The following KIFAP3 variants were observed in gnomAD, a reference collection of about 807,000 sequenced individuals.
KIFAP3 encodes the protein kinesin associated protein 3.
A neutral mutation model predicts 106.5 loss-of-function variants in KIFAP3; 68 were observed. That is an observed-to-expected ratio of 0.64 (90% CI 0.53 to 0.78). KIFAP3 has a LOEUF of 0.78. KIFAP3 is among the 30% of genes least tolerant of loss of function. KIFAP3 has a pLI of 0.00. For missense variants in KIFAP3, 780 were observed against 941.8 expected (o/e 0.83, Z 2.25); for synonymous variants, 320 against 311.5 (o/e 1.03, Z -0.29).
intron 11 of KIFAP3, chr1:169,990,057 A>C (rs550899100): frequency 1.0e-4 from 153 of 1,524,872 alleles, no homozygotes; most frequent in Middle Eastern, 8.0e-4. Flanking sequence ...ATAGTGACTC[A>C]GGTTTTGTTT....
chr1:170,064,154 T>C (rs558577044), intron 1 of KIFAP3, among the ~76,000 whole-genome samples: 4 of 152,322 alleles, frequency 2.6e-5, no homozygotes, highest in Non-Finnish European at 5.9e-5. Flanking sequence ...TTGAACATTA[T>C]TTTAGGTTTT....
At chr1:169,973,124 A>ATATATATATAG (rs1361338751) in intron 16 of KIFAP3, among the ~76,000 whole-genome samples, 8 of 48,720 alleles carry the variant, frequency 1.6e-4, no homozygotes, top group African/African-American at 5.8e-4. Context: ...TATATATATA[A>ATATATATATAG]ACAACACAAA....
In KIFAP3 at chr1:170,032,938, A is replaced by C. The variant is rs545683436; in HGVS notation, c.743-954T>G. On this transcript the variant is annotated intron_variant, in intron 7 of 19. Coordinates refer to ENST00000361580, the MANE Select transcript of KIFAP3 (RefSeq NM_014970.4). Reference sequence around the variant, plus strand: ...TGATACAGAAATACAATATGTCCTAAGATATCAGTTCTTGTCACCAAACAA... The same window carrying C: ...TGATACAGAAATACAATATGTCCTACGATATCAGTTCTTGTCACCAAACAA... 6.6e-5 allele frequency among the ~76,000 whole-genome samples: 10 copies of C among 151,866 alleles called. No individual in the cohort carries two copies. The South Asian group carries it at 1.0e-3, about 16-fold the overall frequency.
chr1:169,944,533 T>A (rs1664320383), intron 19 of KIFAP3, among the ~76,000 whole-genome samples: 1 of 152,144 alleles, frequency 6.6e-6, no homozygotes, highest in African/African-American at 2.4e-5. Flanking sequence ...GCGACGTGTT[T>A]CAGCCCCGTT....
intron 7 of KIFAP3, among the ~76,000 whole-genome samples, chr1:170,034,105 C>T (rs766587626): frequency 6.6e-6 from 1 of 151,724 alleles, no homozygotes; most frequent in South Asian, 2.1e-4. Flanking sequence ...TAGAGGCTCA[C>T]CTACTAAGTT....
At chr1:170,063,814 T>C (rs1671301169) in intron 1 of KIFAP3, among the ~76,000 whole-genome samples, 2 of 152,222 alleles carry the variant, frequency 1.3e-5, no homozygotes, top group Non-Finnish European at 2.9e-5. Context: ...AAATTTAAAA[T>C]TGTGTTTCAA....
At chr1:169,931,066 C>G (rs1343098309) in intron 19 of KIFAP3, among the ~76,000 whole-genome samples, 1 of 151,548 alleles carries the variant, frequency 6.6e-6, no homozygotes, top group Non-Finnish European at 1.5e-5. Flanking sequence ...ATTACAGGCC[C>G]GTGCCACAAT....
intron 9 of KIFAP3, among the ~76,000 whole-genome samples, chr1:170,018,202 A>AT (rs890955188): frequency 1.7e-4 from 26 of 152,160 alleles, no homozygotes; most frequent in Admixed American, 5.2e-4. Context: ...AGCCATGCTC[A>AT]TTTTTTTTAC....
At chr1:169,982,417 G>C (rs866597703) in intron 14 of KIFAP3, among the ~76,000 whole-genome samples, 1 of 152,014 alleles carries the variant, frequency 6.6e-6, no homozygotes, top group East Asian at 1.9e-4. Context: ...TATGCAGAGG[G>C]ATGGTATTTG....
At chr1:170,000,396 T>A (rs1667602536) in intron 10 of KIFAP3, among the ~76,000 whole-genome samples, 1 of 152,104 alleles carries the variant, frequency 6.6e-6, no homozygotes, top group Non-Finnish European at 1.5e-5. Flanking sequence ...AGCATTAAGG[T>A]GATATATTAC....
At chr1:170,032,767 G>A (rs778891319) in intron 7 of KIFAP3, among the ~76,000 whole-genome samples, 5 of 151,664 alleles carry the variant, frequency 3.3e-5, no homozygotes, top group Non-Finnish European at 5.9e-5. Context: ...ACCATAATCT[G>A]TTGAGTCTAA....
At chr1:169,947,160 T>C (rs1179235111) in intron 19 of KIFAP3, among the ~76,000 whole-genome samples, 1 of 151,986 alleles carries the variant, frequency 6.6e-6, no homozygotes, top group African/African-American at 2.4e-5. Flanking sequence ...TAAAATTATT[T>C]CTATTGGTCT....
chr1:169,961,981 G>A (rs1183156039), intron 17 of KIFAP3, among the ~76,000 whole-genome samples: 1 of 152,076 alleles, frequency 6.6e-6, no homozygotes, highest in Non-Finnish European at 1.5e-5. Context: ...TAATACCTGT[G>A]TTGTTCAAGA....
intron 19 of KIFAP3, among the ~76,000 whole-genome samples, chr1:169,937,517 ACT>A (rs1663871049): frequency 6.6e-6 from 1 of 151,724 alleles, no homozygotes; most frequent in Admixed American, 6.6e-5. Context: ...GAACAAGGAA[ACT>A]CTATTCATTT....
intron 19 of KIFAP3, among the ~76,000 whole-genome samples, chr1:169,942,297 A>T (rs894690716): frequency 6.6e-6 from 1 of 152,246 alleles, no homozygotes; most frequent in Non-Finnish European, 1.5e-5. Context: ...TGGTCTTTAA[A>T]AAGGATTAAA....
intron 10 of KIFAP3, among the ~76,000 whole-genome samples, chr1:170,009,905 T>C (rs987492423): frequency 3.9e-5 from 6 of 152,094 alleles, no homozygotes; most frequent in Admixed American, 1.3e-4. Flanking sequence ...AACGTAACAC[T>C]ATAAAAATCC....
chr1:169,940,818 C>T (rs1211216289), intron 19 of KIFAP3, among the ~76,000 whole-genome samples: 1 of 152,130 alleles, frequency 6.6e-6, no homozygotes, highest in Non-Finnish European at 1.5e-5. Context: ...AGCATTGTTT[C>T]TACTCCTTTC....
At chr1:169,964,374 C>T (rs1433879577) in intron 17 of KIFAP3, among the ~76,000 whole-genome samples, 3 of 152,092 alleles carry the variant, frequency 2.0e-5, no homozygotes, top group Admixed American at 6.6e-5. Flanking sequence ...CTGTAAGCCT[C>T]GGGCCAGCAA....
rs575132831 is a variant in KIFAP3 at position 170,081,669 on chromosome 1, C to A, written n.174+3366G>T. On this transcript the variant is annotated intron_variant and non_coding_transcript_variant, in intron 1 of 5. Transcript: ENST00000490550. ...ACAGGTCCTTCTTCTCTTATCACAT[C>A]TCTCTATGACCACAGCCAGGAAAGG... Among the ~76,000 whole-genome samples, 11 of 152,328 alleles carry A rather than the reference C, an allele frequency of 7.2e-5. No individual in the cohort carries two copies. In the East Asian group the frequency reaches 2.1e-3, roughly 29 times the overall value.
Sources: allele counts gnomAD v4.1 joint callset (sites outside exome capture counted in the v4.1 genomes callset), GRCh38; gene constraint gnomAD v4.1.1; transcripts MANE v1.5; gene names NCBI Gene and HGNC (gene_info 2026-07-23, HGNC 2026-07-21).